GJB7: variants seen among roughly 807,000 people sequenced by gnomAD.
GJB7 encodes gap junction protein beta 7.
For missense variants in GJB7, 253 were observed against 256.8 expected (o/e 0.99, Z 0.10); for synonymous variants, 87 against 95.2 (o/e 0.91, Z 0.50).
chr6:87,302,265 A>G (rs1018319475), intron 2 of GJB7, among the ~76,000 whole-genome samples: 9 of 150,834 alleles, frequency 6.0e-5, no homozygotes, highest in Non-Finnish European at 1.3e-4. Context: ...ATCGCAAAGA[A>G]GCTAAAAGCC....
At chr6:87,302,668 A>T (rs1239850204) in intron 2 of GJB7, among the ~76,000 whole-genome samples, 1 of 152,184 alleles carries the variant, frequency 6.6e-6, no homozygotes, top group Non-Finnish European at 1.5e-5. Flanking sequence ...AATTCAGGAA[A>T]TACAGAGAAT....
At chr6:87,304,787 G>A (rs1274920285) in intron 2 of GJB7, among the ~76,000 whole-genome samples, 1 of 152,130 alleles carries the variant, frequency 6.6e-6, no homozygotes, top group Non-Finnish European at 1.5e-5. Flanking sequence ...TAAAATACTA[G>A]CAAACCAAAT....
intron 1 of GJB7, among the ~76,000 whole-genome samples, chr6:87,324,017 A>G (rs1776749597): frequency 6.7e-6 from 1 of 149,926 alleles, no homozygotes; most frequent in Non-Finnish European, 1.5e-5. Context: ...CATTTCTCTG[A>G]TGGCCAGTGA....
At chr6:87,286,580 A>G (rs2127896452) in intron 2 of GJB7, among the ~76,000 whole-genome samples, 1 of 152,312 alleles carries the variant, frequency 6.6e-6, no homozygotes, top group Admixed American at 6.5e-5. Flanking sequence ...ATAAAAGCTA[A>G]TAAGAATCTG....
chr6:87,315,721 G>T (rs1472814698), intron 2 of GJB7, among the ~76,000 whole-genome samples: 3 of 151,222 alleles, frequency 2.0e-5, no homozygotes, highest in Admixed American at 1.3e-4. Flanking sequence ...ACTTGAACCT[G>T]GGAGGTGGAG....
At chr6:87,298,754 C>T (rs1294620340) in intron 2 of GJB7, 5 of 226,952 alleles carry the variant, frequency 2.2e-5, no homozygotes, top group East Asian at 2.6e-4. Context: ...ACCCACGCCT[C>T]GCTGCCATCC....
Position 87,326,057 on chromosome 6 carries a change from G to A in GJB7, c.-205-3014C>T, listed in dbSNP as rs149227743. On this transcript the variant is annotated intron_variant, in intron 1 of 2. Transcript: ENST00000525899. ...AGATTTTCTAGTTTATTTGCATAGAGCTGTTTGTAGTATTCTCTGATGGTA... is the reference window on the plus strand; with the variant it reads ...AGATTTTCTAGTTTATTTGCATAGAACTGTTTGTAGTATTCTCTGATGGTA... Among the ~76,000 whole-genome samples, 553 of 152,322 alleles carry A rather than the reference G, an allele frequency of 3.6e-3. 2 individuals are homozygous for A. The highest frequency in any genetic ancestry group is 0.013 in the African/African-American group (533 of 41,570).
rs756841965 is a variant in GJB7, at chr6:87,284,534, TGATAA to T, written c.374_378del (p.Leu125GlnfsTer5). 108 of 1,614,150 alleles carry T rather than the reference TGATAA, an allele frequency of 6.7e-5. No individual in the cohort carries two copies. The highest frequency in any genetic ancestry group is 8.7e-5 in the Non-Finnish European group (103 of 1,180,012). ...TCAAAACCAGTTTTAACAATGAGGCTGATAAGATAAGCGTACCATAGGCCCCCATC... is the reference window on the plus strand; with the variant it reads ...TCAAAACCAGTTTTAACAATGAGGCTGATAAGCGTACCATAGGCCCCCATC... On this transcript the variant is annotated frameshift_variant, in exon 3 of 3. Transcript: ENST00000525899. LOFTEE classifies it low-confidence loss of function (END_TRUNC).
chr6:87,328,985 G>A (rs1414331579), intron 1 of GJB7, among the ~76,000 whole-genome samples, 153 bp downstream of exon 1: 6 of 152,210 alleles, frequency 3.9e-5, no homozygotes, highest in South Asian at 2.1e-4. Flanking sequence ...TCGGAAAAGC[G>A]CAGGATTCGG....
At chr6:87,297,006 T>C (rs1473709343) in intron 2 of GJB7, among the ~76,000 whole-genome samples, 1 of 152,242 alleles carries the variant, frequency 6.6e-6, no homozygotes, top group Non-Finnish European at 1.5e-5. Flanking sequence ...GGGCAGTATG[T>C]TCTCATAGTA....
intron 2 of GJB7, among the ~76,000 whole-genome samples, chr6:87,314,686 G>C (rs945720115): frequency 6.6e-6 from 1 of 152,120 alleles, no homozygotes; most frequent in African/African-American, 2.4e-5. Flanking sequence ...CAATGCATTG[G>C]TTACTTCACT....
chr6:87,301,891 C>G (rs1258907340), intron 2 of GJB7, among the ~76,000 whole-genome samples: 1 of 152,228 alleles, frequency 6.6e-6, no homozygotes, highest in Admixed American at 6.5e-5. Context: ...TGTTCTGCAG[C>G]CTCCGCTGCT....
At chr6:87,318,561 A>G (rs191012184) in intron 2 of GJB7, among the ~76,000 whole-genome samples, 1 of 152,182 alleles carries the variant, frequency 6.6e-6, no homozygotes, top group Non-Finnish European at 1.5e-5. Flanking sequence ...CATCTCCAGC[A>G]GGCTAGCTGG....
intron 2 of GJB7, among the ~76,000 whole-genome samples, chr6:87,320,044 T>G (rs566190570): frequency 6.6e-6 from 1 of 151,758 alleles, no homozygotes; most frequent in Non-Finnish European, 1.5e-5. Flanking sequence ...GAGTGGGAAA[T>G]GGGGATTTTT....
chr6:87,289,686 G>A (rs1776133308), intron 2 of GJB7, among the ~76,000 whole-genome samples: 2 of 152,204 alleles, frequency 1.3e-5, no homozygotes, highest in Admixed American at 1.3e-4. Flanking sequence ...TCTGACTGTG[G>A]TGACACTGTT....
intron 2 of GJB7, among the ~76,000 whole-genome samples, chr6:87,308,082 T>A (rs983759380): frequency 3.3e-5 from 5 of 152,144 alleles, no homozygotes; most frequent in African/African-American, 1.2e-4. Flanking sequence ...TGTAGGGACA[T>A]GGATGAAGCT....
intron 2 of GJB7, among the ~76,000 whole-genome samples, chr6:87,318,208 G>A (rs1002011153): frequency 1.3e-5 from 2 of 151,358 alleles, no homozygotes; most frequent in Non-Finnish European, 2.9e-5. Flanking sequence ...ATGCCAGACA[G>A]CTATACAGTT....
At chr6:87,305,937 T>C (rs1163321959) in intron 2 of GJB7, among the ~76,000 whole-genome samples, 5 of 152,164 alleles carry the variant, frequency 3.3e-5, no homozygotes, top group African/African-American at 1.2e-4. Flanking sequence ...AAGGATTCCC[T>C]ATTTAATAAA....
intron 2 of GJB7, among the ~76,000 whole-genome samples, chr6:87,318,686 T>C (rs1324349137): frequency 1.3e-5 from 2 of 152,108 alleles, no homozygotes; most frequent in Non-Finnish European, 2.9e-5. Context: ...TGGGAGAGCA[T>C]GGATAAAGGT....
Sources: allele counts gnomAD v4.1 joint callset (sites outside exome capture counted in the v4.1 genomes callset), GRCh38; gene constraint gnomAD v4.1.1; transcripts MANE v1.5; gene names NCBI Gene and HGNC (gene_info 2026-07-23, HGNC 2026-07-21).